ALKBH8: variants seen among roughly 807,000 people sequenced by gnomAD.
The protein encoded by ALKBH8 is alkB homolog 8, tRNA methyltransferase.
A neutral mutation model predicts 59.8 loss-of-function variants in ALKBH8; 36 were observed. The observed-to-expected ratio is 0.60, with a 90% confidence interval of 0.46 to 0.79. The LOEUF is 0.79. Ranked by LOEUF, ALKBH8 falls within the 30% of genes least tolerant of loss-of-function variation. ALKBH8 has a pLI of 0.00. For missense variants in ALKBH8, 768 were observed against 801.0 expected (o/e 0.96, Z 0.50); for synonymous variants, 276 against 273.6 (o/e 1.01, Z -0.09).
chr11:107,527,713 A>G (rs12576309), intron 8 of ALKBH8, among the ~76,000 whole-genome samples: 38,072 of 151,936 alleles, frequency 0.25, 5,537 homozygotes, highest in East Asian at 0.47. Context: ...TGGAACTTGT[A>G]TTGTAGATTC....
At chr11:107,523,998 T>C (rs1003607484) in intron 9 of ALKBH8, among the ~76,000 whole-genome samples, 2 of 152,148 alleles carry the variant, frequency 1.3e-5, no homozygotes, top group Non-Finnish European at 2.9e-5. Context: ...CCACAATATA[T>C]ATGTATTTTA....
intron 7 of ALKBH8, among the ~76,000 whole-genome samples, chr11:107,534,141 A>G (rs777539341): frequency 6.6e-5 from 10 of 152,178 alleles, no homozygotes; most frequent in Non-Finnish European, 1.3e-4. Flanking sequence ...CCAAAAAATA[A>G]ATAAATAAAT....
At chr11:107,533,787 A>G (rs1863695699) in intron 7 of ALKBH8, among the ~76,000 whole-genome samples, 1 of 152,158 alleles carries the variant, frequency 6.6e-6, no homozygotes. Context: ...TCTAGCTAGT[A>G]GACATATAAG....
At chr11:107,526,474 T>C (rs1187703004) in intron 8 of ALKBH8, among the ~76,000 whole-genome samples, 1 of 151,978 alleles carries the variant, frequency 6.6e-6, no homozygotes, top group Non-Finnish European at 1.5e-5. Flanking sequence ...TACAGATAGA[T>C]ACAGATATAG....
intron 8 of ALKBH8, among the ~76,000 whole-genome samples, chr11:107,530,315 A>G (rs892685676): frequency 3.9e-5 from 6 of 152,196 alleles, no homozygotes; most frequent in African/African-American, 4.8e-5. Context: ...AGGCAGTGTT[A>G]ACTTTTTTCA....
chr11:107,540,402 T>G (rs146705519), intron 7 of ALKBH8, among the ~76,000 whole-genome samples: 1 of 152,322 alleles, frequency 6.6e-6, no homozygotes, highest in African/African-American at 2.4e-5. Flanking sequence ...TTTGTCTAGC[T>G]AAGCTCAAGT....
In ALKBH8 at chr11:107,504,452, A is replaced by C; in HGVS notation, c.*206T>G. The stretch of plus-strand genomic sequence containing the variant: ...TAGAAACCACCTCTCCTAGGGAAGT[A>C]GGAGGAGCCAACACCACATCTGTGA... On this transcript the variant is annotated 3_prime_UTR_variant, in exon 12 of 12. Transcript: ENST00000428149. 1 of 687,040 alleles carries C rather than the reference A, an allele frequency of 1.5e-6. No individual in the cohort carries two copies. The highest frequency in any genetic ancestry group is 2.6e-6 in the Non-Finnish European group (1 of 390,972). 42.6% of individuals were successfully genotyped at this position (687,040 alleles called of 1,614,324 possible).
chr11:107,535,652 T>G (rs1203503973), intron 7 of ALKBH8, among the ~76,000 whole-genome samples: 1 of 152,178 alleles, frequency 6.6e-6, no homozygotes, highest in African/African-American at 2.4e-5. Context: ...TCTTTGAACT[T>G]GTGTTAAATG....
At chr11:107,510,612 G>A (rs1430748315) in intron 11 of ALKBH8, among the ~76,000 whole-genome samples, 3 of 152,122 alleles carry the variant, frequency 2.0e-5, no homozygotes, top group Admixed American at 1.3e-4. Flanking sequence ...TTTAAAGGAA[G>A]GCATTTAGAA....
chr11:107,563,351 T>C (rs1865010024), intron 1 of ALKBH8, among the ~76,000 whole-genome samples: 1 of 152,200 alleles, frequency 6.6e-6, no homozygotes, highest in South Asian at 2.1e-4. Context: ...TGAGGTAATA[T>C]AATACAGTGT....
intron 11 of ALKBH8, among the ~76,000 whole-genome samples, chr11:107,509,274 C>T (rs1166879038): frequency 1.3e-5 from 2 of 152,138 alleles, no homozygotes; most frequent in Non-Finnish European, 2.9e-5. Flanking sequence ...TGCTGAGTAT[C>T]TTTTCATGTG....
intron 7 of ALKBH8, among the ~76,000 whole-genome samples, chr11:107,536,795 C>T (rs1863833313): frequency 6.6e-6 from 1 of 152,088 alleles, no homozygotes; most frequent in Non-Finnish European, 1.5e-5. Context: ...CACAAAAAGG[C>T]CTCGGCAGAG....
At chr11:107,546,675 G>A (rs1864270898) in intron 7 of ALKBH8, among the ~76,000 whole-genome samples, 1 of 151,862 alleles carries the variant, frequency 6.6e-6, no homozygotes, top group Non-Finnish European at 1.5e-5. Context: ...ATTTTTATTT[G>A]GGTTTTCTGC....
chr11:107,536,223 T>C (rs1485039060), intron 7 of ALKBH8, among the ~76,000 whole-genome samples: 1 of 152,266 alleles, frequency 6.6e-6, no homozygotes, highest in Non-Finnish European at 1.5e-5. Context: ...TCGGCAGCAC[T>C]GGAGTCTCTC....
chr11:107,541,550 C>T lies in ALKBH8; in HGVS notation c.771+8203G>A, dbSNP rs546194671. ...GGGCCTATATTAATTTCTATTTATT[C>T]TTTGTCTTAAAGAACAAAGCTAAAA... is the stretch of plus-strand genomic sequence containing the variant. On this transcript the variant is annotated intron_variant, in intron 7 of 11. Coordinates refer to ENST00000428149, the MANE Select transcript of ALKBH8 (RefSeq NM_138775.3). Among the ~76,000 whole-genome samples the T allele has an allele frequency of 9.2e-5, 14 of 152,250 alleles. No homozygotes were observed. In the East Asian group the frequency reaches 2.3e-3, roughly 25 times the overall value.
chr11:107,508,606 C>T (rs1283738895), intron 11 of ALKBH8, among the ~76,000 whole-genome samples: 1 of 152,154 alleles, frequency 6.6e-6, no homozygotes, highest in Non-Finnish European at 1.5e-5. Context: ...TTATCCATCT[C>T]CAGAATTTTT....
Position 107,525,497 on chromosome 11 carries a change from C to G in ALKBH8, c.974G>C (p.Arg325Thr). 2 of 1,543,810 alleles carry G rather than the reference C, an allele frequency of 1.3e-6. No homozygotes were observed. The highest frequency in any genetic ancestry group is 1.7e-6 in the Non-Finnish European group (2 of 1,143,552). ...AAATGTAAATGATGTTCGTAGTCCCCTCTTGCTTAAAGTTAAGTCTCCAAC... is the reference window on the plus strand; with the variant it reads ...AAATGTAAATGATGTTCGTAGTCCCGTCTTGCTTAAAGTTAAGTCTCCAAC... ...SDVGDLTLSK[R>T]GLRTSFTFRK... The change falls in exon 9 of 12, where the codon AGG (arginine) becomes ACG (threonine). Residue 325 changes from arginine (R) to threonine (T), a missense_variant. Physicochemically the swap from Arg to Thr is moderately conservative, Grantham distance 71. Coordinates refer to ENST00000428149, the MANE Select transcript of ALKBH8 (RefSeq NM_138775.3).
chr11:107,558,775 A>C (rs1190922402), intron 2 of ALKBH8, among the ~76,000 whole-genome samples: 2 of 152,188 alleles, frequency 1.3e-5, no homozygotes, highest in Admixed American at 1.3e-4. Flanking sequence ...TGTTCAAGCA[A>C]TTTTCTAAAT....
At chr11:107,558,940 T>G (rs561373371) in intron 2 of ALKBH8, among the ~76,000 whole-genome samples, 1 of 152,200 alleles carries the variant, frequency 6.6e-6, no homozygotes, top group Non-Finnish European at 1.5e-5. Context: ...GTTTGGCGTG[T>G]CCCCACCCAA....
Sources: gnomAD v4.1 joint callset for allele counts (sites outside exome capture counted in the v4.1 genomes callset) on GRCh38, gnomAD v4.1.1 for gene constraint, MANE v1.5 for transcripts, NCBI Gene and HGNC (gene_info 2026-07-23, HGNC 2026-07-21) for gene names.